SVOPL: variants seen among roughly 807,000 people sequenced by gnomAD.
SVOPL encodes putative transporter SVOPL.
SVOPL carries 60 observed loss-of-function variants against 61.0 expected under a neutral mutation model. That is an observed-to-expected ratio of 0.98 (90% CI 0.80 to 1.22). The LOEUF is 1.22. Ranked by LOEUF, SVOPL falls within the 50% of genes most tolerant of loss-of-function variation. The probability of loss-of-function intolerance (pLI) is 0.00; values close to 1 mark genes in which losing one functional copy is unlikely to be tolerated. For synonymous variants in SVOPL, 279 were observed against 250.0 expected (o/e 1.12, Z -1.09); for missense variants, 662 against 643.9 (o/e 1.03, Z -0.30).
At chr7:138,637,463 T>TATATATATATATAG (rs1554463004) in intron 9 of SVOPL, among the ~76,000 whole-genome samples, 2 of 19,092 alleles carry the variant, frequency 1.0e-4, no homozygotes, top group Admixed American at 6.5e-4. Context: ...TAGATATATA[T>TATATATATATATAG]ATATAGATAT....
intron 1 of SVOPL, among the ~76,000 whole-genome samples, chr7:138,686,919 C>T (rs1403529257): frequency 2.0e-5 from 3 of 152,090 alleles, no homozygotes; most frequent in Non-Finnish European, 4.4e-5. Context: ...AATTATACTG[C>T]AGTGTATATA....
intron 14 of SVOPL, among the ~76,000 whole-genome samples, chr7:138,609,809 T>C (rs566861128): frequency 5.3e-5 from 8 of 152,066 alleles, no homozygotes; most frequent in Admixed American, 5.2e-4. Context: ...CTCAGCTCAC[T>C]GCAACCTCCA....
intron 7 of SVOPL, among the ~76,000 whole-genome samples, chr7:138,656,016 T>C (rs1368965153): frequency 6.6e-6 from 1 of 152,154 alleles, no homozygotes; most frequent in African/African-American, 2.4e-5. Context: ...AAGAAGTCCA[T>C]TGATGTGGCA....
chr7:138,652,535 A>C (rs1360126131), intron 7 of SVOPL, among the ~76,000 whole-genome samples: 1 of 152,198 alleles, frequency 6.6e-6, no homozygotes, highest in Non-Finnish European at 1.5e-5. Context: ...CTTCATGAGG[A>C]AGGCATGTCG....
intron 1 of SVOPL, among the ~76,000 whole-genome samples, chr7:138,687,128 G>C (rs1802834069): frequency 6.6e-6 from 1 of 151,856 alleles, no homozygotes; most frequent in Non-Finnish European, 1.5e-5. Flanking sequence ...AAGTTATGAG[G>C]ACAGACAATT....
intron 1 of SVOPL, chr7:138,688,970 G>T: frequency 1.6e-6 from 1 of 623,776 alleles, no homozygotes; most frequent in Non-Finnish European, 3.0e-6. Context: ...GGCCTGAGGT[G>T]ATCTGTGAAA....
At chr7:138,658,287 C>A (rs907097038) in intron 6 of SVOPL, among the ~76,000 whole-genome samples, 2 of 151,970 alleles carry the variant, frequency 1.3e-5, no homozygotes, top group Non-Finnish European at 2.9e-5. Flanking sequence ...TGACATATTC[C>A]CCCCCCTCCC....
chr7:138,635,928 T>C (rs1372761398), intron 9 of SVOPL, among the ~76,000 whole-genome samples: 3 of 152,278 alleles, frequency 2.0e-5, no homozygotes, highest in South Asian at 2.1e-4. Flanking sequence ...ATGAATCTGA[T>C]AGAAAAATAT....
At chr7:138,649,411 A>C (rs1222774464) in intron 7 of SVOPL, among the ~76,000 whole-genome samples, 1 of 152,052 alleles carries the variant, frequency 6.6e-6, no homozygotes, top group Admixed American at 6.6e-5. Context: ...CTCATGCCTC[A>C]GCCTCCCGAG....
intron 14 of SVOPL, among the ~76,000 whole-genome samples, chr7:138,601,736 A>T (rs748516693): frequency 6.6e-6 from 1 of 151,832 alleles, no homozygotes; most frequent in Non-Finnish European, 1.5e-5. Flanking sequence ...TTAAATGTAC[A>T]CTCTTTGGAC....
intron 14 of SVOPL, among the ~76,000 whole-genome samples, chr7:138,600,392 AG>A (rs1798465083): frequency 6.6e-6 from 1 of 152,158 alleles, no homozygotes; most frequent in Non-Finnish European, 1.5e-5. Flanking sequence ...GCTAGAGCCC[AG>A]GAGTTCATGA....
At chr7:138,613,798 A>G (rs1191492501) in intron 14 of SVOPL, among the ~76,000 whole-genome samples, 4 of 152,168 alleles carry the variant, frequency 2.6e-5, no homozygotes, top group African/African-American at 9.7e-5. Flanking sequence ...ATGTTCAACA[A>G]CAGGTTCTCA....
chr7:138,633,791 T>C (rs1264441855), intron 9 of SVOPL, among the ~76,000 whole-genome samples: 1 of 152,192 alleles, frequency 6.6e-6, no homozygotes, highest in African/African-American at 2.4e-5. Flanking sequence ...TGCATTACTA[T>C]GGAGTACATG....
chr7:138,655,980 C>T (rs556866898), intron 7 of SVOPL, among the ~76,000 whole-genome samples: 1 of 152,222 alleles, frequency 6.6e-6, no homozygotes, highest in South Asian at 2.1e-4. Flanking sequence ...AGCATTGCAT[C>T]CTACAGAGAA....
chr7:138,629,292 G>A (rs996961765), intron 10 of SVOPL, among the ~76,000 whole-genome samples: 6 of 150,202 alleles, frequency 4.0e-5, no homozygotes, highest in East Asian at 1.9e-4. Flanking sequence ...GTGCAGTGGT[G>A]CAATCTCGGC....
At chr7:138,642,287 C>CAAAAAAAAAA (rs79469915) in intron 9 of SVOPL, among the ~76,000 whole-genome samples, 3 of 111,672 alleles carry the variant, frequency 2.7e-5, no homozygotes, top group African/African-American at 7.2e-5. Context: ...GGAAATTAGC[C>CAAAAAAAAAA]AAAAAAAAAA....
At position 138,628,203 on chromosome 7, in the gene SVOPL, A is replaced by G. The variant is rs780073598; in HGVS notation, c.1024T>C (p.Ser342Pro). ...CTGATGATCATGGTCCGATAGTCAG[A>G]GGGTGCAAACATGTGGCAGTAGCAG... ...SPCYCHMFAPSDYRTMIISTI... is the reference protein window; with the variant it reads ...SPCYCHMFAPPDYRTMIISTI... Residue 342 changes from serine (S) to proline (P), a missense_variant, in exon 11 of 16, where the codon TCT becomes CCT. Transcript: ENST00000674285. 6.2e-7 allele frequency: 1 copy of G among 1,614,088 alleles called. No individual in the cohort carries two copies. Among genetic ancestry groups the G allele is most frequent in the African/African-American group, 1.3e-5 (1 of 74,928 alleles).
chr7:138,639,370 T>C (rs1383296035), intron 9 of SVOPL, among the ~76,000 whole-genome samples: 1 of 152,052 alleles, frequency 6.6e-6, no homozygotes, highest in Non-Finnish European at 1.5e-5. Context: ...CTCATGCCTG[T>C]AATCCCAGCA....
chr7:138,604,528 C>T (rs548718629), intron 14 of SVOPL, among the ~76,000 whole-genome samples: 85 of 151,758 alleles, frequency 5.6e-4, no homozygotes, highest in African/African-American at 2.0e-3. Flanking sequence ...ACAAAAAAAG[C>T]TAGCCAGGCG....
Sources: gnomAD v4.1 joint callset for allele counts (sites outside exome capture counted in the v4.1 genomes callset) on GRCh38, gnomAD v4.1.1 for gene constraint, MANE v1.5 for transcripts, NCBI Gene and HGNC (gene_info 2026-07-23, HGNC 2026-07-21) for gene names.